CCDC88A: variants seen among roughly 807,000 people sequenced by gnomAD.
The protein encoded by CCDC88A is coiled-coil and HOOK domain protein 88A, also known as girdin.
A neutral mutation model predicts 234.3 loss-of-function variants in CCDC88A; 54 were observed. That is an observed-to-expected ratio of 0.23 (90% CI 0.19 to 0.29). The LOEUF (loss-of-function observed/expected upper bound fraction) is 0.29, where lower values mean the gene tolerates loss of function less well. CCDC88A is among the 10% of genes least tolerant of loss of function. CCDC88A has a pLI of 1.00. For missense variants in CCDC88A, 1,832 were observed against 2,123.4 expected, an observed-to-expected ratio of 0.86 and a Z score of 2.70; for synonymous variants, 753 against 737.8, an observed-to-expected ratio of 1.02 and a Z score of -0.33.
At chr2:55,295,238 C>T (rs1679889469) in intron 31 of CCDC88A, 2 of 1,339,920 alleles carry the variant, frequency 1.5e-6, no homozygotes, top group Non-Finnish European at 2.0e-6. Flanking sequence ...CATTTTCTTT[C>T]TGTGCAGGTT....
chr2:55,370,231 C>T (rs1672615744), intron 5 of CCDC88A, among the ~76,000 whole-genome samples: 1 of 152,176 alleles, frequency 6.6e-6, no homozygotes, highest in South Asian at 2.1e-4. Context: ...GTCTGACACC[C>T]TTTCCATCTC....
intron 5 of CCDC88A, among the ~76,000 whole-genome samples, chr2:55,368,909 C>T (rs1672401634): frequency 6.6e-6 from 1 of 152,202 alleles, no homozygotes; most frequent in Non-Finnish European, 1.5e-5. Context: ...TGTCCAGAAA[C>T]ACATTCTGGC....
At chr2:55,405,845 T>C (rs909601762) in intron 2 of CCDC88A, 1 of 152,098 alleles carries the variant, frequency 6.6e-6, no homozygotes, top group Non-Finnish European at 1.5e-5. Flanking sequence ...GCTGCTGCTA[T>C]ACTTAATACT....
At chr2:55,390,444 C>T (rs1035373467) in intron 2 of CCDC88A, among the ~76,000 whole-genome samples, 1 of 152,188 alleles carries the variant, frequency 6.6e-6, no homozygotes, top group African/African-American at 2.4e-5. Context: ...TAATCCCCAA[C>T]CTTGGATCAA....
chr2:55,415,364 C>A (rs1681189376), intron 2 of CCDC88A, among the ~76,000 whole-genome samples: 1 of 152,070 alleles, frequency 6.6e-6, no homozygotes. Flanking sequence ...ACCAAATTTG[C>A]CCTCCTCCCT....
intron 3 of CCDC88A, among the ~76,000 whole-genome samples, chr2:55,376,310 T>A (rs1673649962): frequency 6.6e-6 from 1 of 152,236 alleles, no homozygotes; most frequent in African/African-American, 2.4e-5. Context: ...CATGTTCAGA[T>A]ATAACTAGTT....
intron 19 of CCDC88A, 26 bp downstream of exon 19, chr2:55,318,817 A>G (rs747560155): frequency 2.0e-6 from 3 of 1,533,494 alleles, no homozygotes; most frequent in African/African-American, 2.7e-5. Flanking sequence ...GTTTGGTTGC[A>G]TATTCCCAAA....
Position 55,334,059 on chromosome 2 carries a change from A to C in CCDC88A, c.2727+35T>G, listed in dbSNP as rs1685225431. Reference sequence around the variant, plus strand: ...AGAAACCTTGAGTTAAAAATATAAAAAAAAATTTGCCTTAATTTAGGTAAA... The same window carrying C: ...AGAAACCTTGAGTTAAAAATATAAACAAAAATTTGCCTTAATTTAGGTAAA... On this transcript the variant is annotated intron_variant, in intron 15 of 32. Transcript: ENST00000436346. The surrounding 1 kb of genome is among the most constrained non-coding windows in gnomAD (Gnocchi z 6.1). 1.2e-6 allele frequency: 1 copy of C among 825,316 alleles called. No homozygotes were observed. Among genetic ancestry groups the C allele is most frequent in the Non-Finnish European group, 1.7e-6 (1 of 584,618 alleles). 51.1% of individuals were successfully genotyped at this position (825,316 alleles called of 1,614,324 possible).
intron 16 of CCDC88A, among the ~76,000 whole-genome samples, chr2:55,331,273 CAAAT>C (rs1684880475): frequency 1.3e-5 from 2 of 152,278 alleles, no homozygotes; most frequent in Admixed American, 1.3e-4. Flanking sequence ...CTGATTAACT[CAAAT>C]AAAAATATTT....
rs1668773458 is a variant in CCDC88A at position 55,343,782 on chromosome 2, A to G, written c.1199T>C (p.Met400Thr). ...KLHDMEMERD[M>T]DRKKIEELME... The stretch of plus-strand genomic sequence containing the variant: ...TAATTCTTCAATCTTTTTTCTATCC[A>G]TATCTCGTTCCTTTTTTATTGGCAA... Residue 400 changes from methionine to threonine, a missense_variant, in exon 12 of 33, where the codon ATG becomes ACG. Met to Thr is a moderately conservative substitution (Grantham distance 81). Around this residue, in one of 6 missense-constraint regions of CCDC88A, gnomAD observed 1,282 missense variants for 1,543.6 expected, o/e 0.83. Coordinates refer to ENST00000436346, the MANE Select transcript of CCDC88A (RefSeq NM_001365480.1). 2 of 1,607,730 alleles carry G rather than the reference A, an allele frequency of 1.2e-6. No homozygotes were observed. Among genetic ancestry groups the G allele is most frequent in the Non-Finnish European group, 1.7e-6 (2 of 1,176,914 alleles).
intron 7 of CCDC88A, among the ~76,000 whole-genome samples, chr2:55,358,853 A>G (rs1308500909): frequency 6.6e-6 from 1 of 151,988 alleles, no homozygotes; most frequent in African/African-American, 2.4e-5. Flanking sequence ...ATTCAGTTCT[A>G]TCCCTCTATC....
chr2:55,291,273 A>G (rs1436329068), intron 32 of CCDC88A, 109 bp from the exon 33 acceptor site: 2 of 152,944 alleles, frequency 1.3e-5, no homozygotes, highest in African/African-American at 4.8e-5. Flanking sequence ...TGCACCAGGT[A>G]TTTCTATAAG....
chr2:55,369,538 A>C (rs1344557861), intron 5 of CCDC88A, among the ~76,000 whole-genome samples: 1 of 147,816 alleles, frequency 6.8e-6, no homozygotes, highest in Non-Finnish European at 1.5e-5. Flanking sequence ...TGCAACCTCC[A>C]TCTCCCAGGT....
At chr2:55,313,773 A>C (rs1011281899) in intron 22 of CCDC88A, 2 of 152,232 alleles carry the variant, frequency 1.3e-5, no homozygotes, top group Non-Finnish European at 2.9e-5. Context: ...AAAAATTTCA[A>C]AAGGTAGAGA....
At chr2:55,319,179 AACAG>A (rs3214665) in intron 18 of CCDC88A, among the ~76,000 whole-genome samples, 175 bp from the exon 19 acceptor site, 9,472 of 152,226 alleles carry the variant, frequency 0.062, 717 homozygotes, top group East Asian at 0.42. Context: ...CCAAATTGTA[AACAG>A]ACATTTATCA....
chr2:55,293,492 C>T (rs1679671554), intron 31 of CCDC88A: 1 of 145,694 alleles, frequency 6.9e-6, no homozygotes. Flanking sequence ...TGTACCAGAA[C>T]CATTTTTTTT....
Position 55,332,036 on chromosome 2 carries a change from T to C in CCDC88A, c.2855+530A>G, listed in dbSNP as rs1684971342. ...CCTGTTTTCCTATTTTATAACTGTA[T>C]TTATATAGTAACATTTTAGTTTTTT... On this transcript the variant is annotated intron_variant, in intron 16 of 32. Transcript: ENST00000436346. The surrounding 1 kb of genome is among the most constrained non-coding windows in gnomAD (Gnocchi z 4.5). 6.6e-6 allele frequency: 1 copy of C among 152,200 alleles called. No homozygotes were observed. The highest frequency in any genetic ancestry group is 1.5e-5 in the Non-Finnish European group (1 of 68,054). 9.4% of individuals were successfully genotyped at this position (152,200 alleles called of 1,614,324 possible).
chr2:55,384,274 G>A (rs6729490), intron 3 of CCDC88A, among the ~76,000 whole-genome samples: 9,065 of 145,282 alleles, frequency 0.062, 896 homozygotes, highest in African/African-American at 0.21. Flanking sequence ...GCAGTAAGCC[G>A]AGATTGCACC....
intron 2 of CCDC88A, among the ~76,000 whole-genome samples, chr2:55,401,865 C>T (rs1452831263): frequency 6.6e-6 from 1 of 152,046 alleles, no homozygotes; most frequent in African/African-American, 2.4e-5. Context: ...ATGATATTCA[C>T]TGATTTAACA....
Sources: allele counts gnomAD v4.1 joint callset (sites outside exome capture counted in the v4.1 genomes callset), GRCh38; gene constraint gnomAD v4.1.1; regional missense constraint gnomAD v4.1.1; non-coding constraint Gnocchi (gnomAD v3.1); transcripts MANE v1.5; gene names NCBI Gene and HGNC (gene_info 2026-07-23, HGNC 2026-07-21).